RBFOX1: variants seen among roughly 807,000 people sequenced by gnomAD.
The protein encoded by RBFOX1 is RNA binding protein fox-1 homolog 1.
A neutral mutation model predicts 57.7 loss-of-function variants in RBFOX1; 8 were observed. That is an observed-to-expected ratio of 0.14 (90% CI 0.08 to 0.25). The LOEUF is 0.25. RBFOX1 is among the 10% of genes least tolerant of loss of function. The pLI is 1.00. For missense variants in RBFOX1, 611 were observed against 548.5 expected, an observed-to-expected ratio of 1.11 and a Z score of -1.14; for synonymous variants, 326 against 222.4, an observed-to-expected ratio of 1.47 and a Z score of -4.15.
intron 13 of RBFOX1, among the ~76,000 whole-genome samples, chr16:7,668,327 T>C (rs1470029433): frequency 6.6e-6 from 1 of 152,156 alleles, no homozygotes; most frequent in East Asian, 1.9e-4. Flanking sequence ...ATGACCTCCT[T>C]CTGAAAGTTT....
chr16:6,165,194 T>G (rs2152752488), intron 1 of RBFOX1, among the ~76,000 whole-genome samples: 1 of 152,336 alleles, frequency 6.6e-6, no homozygotes, highest in South Asian at 2.1e-4. Context: ...AAGATTACCC[T>G]GTAGACGGAA....
chr16:5,550,846 A>G (rs1022576818), intron 2 of RBFOX1, among the ~76,000 whole-genome samples: 9 of 152,188 alleles, frequency 5.9e-5, no homozygotes, highest in Admixed American at 2.6e-4. Flanking sequence ...GGACATCTTT[A>G]TACCAGGTGC....
chr16:6,178,384 C>T (rs543650752), intron 1 of RBFOX1, among the ~76,000 whole-genome samples: 27 of 151,954 alleles, frequency 1.8e-4, no homozygotes, highest in African/African-American at 6.5e-4. Flanking sequence ...GGGGTTTTGC[C>T]ATGTTGACCA....
At chr16:7,551,207 C>T (rs1240855875) in intron 5 of RBFOX1, among the ~76,000 whole-genome samples, 1 of 152,020 alleles carries the variant, frequency 6.6e-6, no homozygotes, top group Non-Finnish European at 1.5e-5. Context: ...AGGTCAGTCT[C>T]AGAAATTGCC....
intron 3 of RBFOX1, among the ~76,000 whole-genome samples, chr16:6,670,634 C>G (rs895476559): frequency 2.0e-4 from 31 of 152,144 alleles, no homozygotes; most frequent in African/African-American, 6.8e-4. Context: ...TCTCTATCTA[C>G]TAAAATTAGC....
At chr16:6,925,693 C>G (rs1306371628) in intron 3 of RBFOX1, among the ~76,000 whole-genome samples, 2 of 151,860 alleles carry the variant, frequency 1.3e-5, no homozygotes, top group African/African-American at 4.8e-5. Flanking sequence ...GATATTTGAG[C>G]AAGTATTTGG....
intron 3 of RBFOX1, among the ~76,000 whole-genome samples, chr16:5,645,759 G>T (rs1163046839): frequency 6.6e-6 from 1 of 152,124 alleles, no homozygotes; most frequent in East Asian, 1.9e-4. Context: ...TCAATCTCCT[G>T]GCCTTAAGCA....
chr16:6,222,467 A>G (rs1317983393), intron 1 of RBFOX1, among the ~76,000 whole-genome samples: 3 of 151,638 alleles, frequency 2.0e-5, no homozygotes, highest in Non-Finnish European at 4.4e-5. Context: ...AGCTGTGACA[A>G]TTGCATCATG....
chr16:6,801,240 T>G (rs1186771106), intron 3 of RBFOX1, among the ~76,000 whole-genome samples: 1 of 151,976 alleles, frequency 6.6e-6, no homozygotes, highest in Non-Finnish European at 1.5e-5. Context: ...ATCATGTATT[T>G]TGCCATGCAA....
At chr16:6,382,871 T>C (rs2091940990) in intron 2 of RBFOX1, among the ~76,000 whole-genome samples, 1 of 151,898 alleles carries the variant, frequency 6.6e-6, no homozygotes, top group African/African-American at 2.4e-5. Context: ...AAAAAGAAAA[T>C]GCTTTTACTC....
intron 3 of RBFOX1, among the ~76,000 whole-genome samples, chr16:6,799,988 A>T (rs74007066): frequency 6.6e-6 from 1 of 152,090 alleles, no homozygotes; most frequent in African/African-American, 2.4e-5. Flanking sequence ...TTTCATATAT[A>T]TTAAACACAT....
chr16:7,383,290 GCAA>G (rs1018632123), intron 4 of RBFOX1, among the ~76,000 whole-genome samples: 1 of 150,244 alleles, frequency 6.7e-6, no homozygotes, highest in Non-Finnish European at 1.5e-5. Context: ...AACGTAAAAT[GCAA>G]CAACACTAGG....
At chr16:7,249,601 TAA>T (rs202035763) in intron 4 of RBFOX1, among the ~76,000 whole-genome samples, 1 of 146,814 alleles carries the variant, frequency 6.8e-6, no homozygotes, top group Non-Finnish European at 1.5e-5. Flanking sequence ...CTTCTTTCTT[TAA>T]AAAAAAAAAG....
intron 3 of RBFOX1, among the ~76,000 whole-genome samples, chr16:7,049,124 C>T (rs909410512): frequency 6.6e-6 from 1 of 152,144 alleles, no homozygotes; most frequent in Non-Finnish European, 1.5e-5. Context: ...AAATTATTTT[C>T]TCTCCGGGAT....
At chr16:7,563,486 C>G (rs8051555) in intron 5 of RBFOX1, among the ~76,000 whole-genome samples, 148,278 of 152,286 alleles carry the variant, frequency 0.97, 72,334 homozygotes, top group African/African-American at 0.99. Flanking sequence ...TTTCTTGCTT[C>G]AAACAAAGTC....
chr16:5,379,759 C>T (rs2151388816), intron 1 of RBFOX1, among the ~76,000 whole-genome samples: 1 of 152,314 alleles, frequency 6.6e-6, no homozygotes, highest in Middle Eastern at 3.4e-3. Context: ...CTCTGAACAA[C>T]CAGCTTGGTT....
At chr16:6,673,313 C>T (rs1603321739) in intron 3 of RBFOX1, among the ~76,000 whole-genome samples, 3 of 152,294 alleles carry the variant, frequency 2.0e-5, no homozygotes, top group East Asian at 3.9e-4. Context: ...TGAGGCCAGG[C>T]GTGGTGGCTC....
intron 3 of RBFOX1, among the ~76,000 whole-genome samples, chr16:5,634,075 T>A (rs754700523): frequency 8.5e-5 from 13 of 152,194 alleles, no homozygotes; most frequent in Non-Finnish European, 1.5e-4. Flanking sequence ...TAGTTGCAGT[T>A]TCTGAGGTCC....
At chr16:6,976,365 C>T (rs901547600) in intron 3 of RBFOX1, among the ~76,000 whole-genome samples, 4 of 152,100 alleles carry the variant, frequency 2.6e-5, no homozygotes, top group Non-Finnish European at 5.9e-5. Context: ...CAGTCCTATC[C>T]ATGAATACAT....
Sources: gnomAD v4.1 joint callset for allele counts (sites outside exome capture counted in the v4.1 genomes callset) on GRCh38, gnomAD v4.1.1 for gene constraint, MANE v1.5 for transcripts, NCBI Gene and HGNC (gene_info 2026-07-23, HGNC 2026-07-21) for gene names.